The following RHOT1 variants were observed in gnomAD, a reference collection of about 807,000 sequenced individuals.
The protein encoded by RHOT1 is mitochondrial Rho GTPase 1.
Under a neutral mutation model 95.3 loss-of-function variants are expected in RHOT1, and 27 were observed. The observed-to-expected ratio is 0.28, with a 90% CI of 0.21 to 0.39. The LOEUF (loss-of-function observed/expected upper bound fraction) is 0.39. Ranked by LOEUF, RHOT1 falls within the 10% of genes least tolerant of loss-of-function variation. The pLI is 1.00. For synonymous variants in RHOT1, 227 were observed against 263.5 expected (o/e 0.86, Z 1.34); for missense variants, 578 against 786.7 (o/e 0.73, Z 3.17).
chr17:32,150,958 T>TTGC (rs34323066), intron 1 of RHOT1: 33,186 of 1,547,450 alleles, frequency 0.021, 358 homozygotes, highest in African/African-American at 0.028. Flanking sequence ...GCTTTGCTGA[T>TTGC]TGCTGCTGCT....
chr17:32,157,655 T>C (rs2033098980), intron 1 of RHOT1, among the ~76,000 whole-genome samples: 1 of 151,866 alleles, frequency 6.6e-6, no homozygotes, highest in Non-Finnish European at 1.5e-5. Flanking sequence ...AATGCAAAAA[T>C]TAGCCAGGTG....
chr17:32,186,461 T>G (rs1043757370), intron 8 of RHOT1, among the ~76,000 whole-genome samples: 2 of 151,994 alleles, frequency 1.3e-5, no homozygotes, highest in African/African-American at 4.8e-5. Context: ...CCTCCTGGGT[T>G]CACACCATTC....
chr17:32,220,917 A>G (rs1188820131), intron 19 of RHOT1: 1 of 284,914 alleles, frequency 3.5e-6, no homozygotes, highest in Non-Finnish European at 5.3e-6. Context: ...ATGAGTGTAT[A>G]TTAGCTTTTT....
intron 19 of RHOT1, among the ~76,000 whole-genome samples, chr17:32,222,055 ATTC>A (rs1290944136): frequency 6.6e-6 from 1 of 152,218 alleles, no homozygotes; most frequent in African/African-American, 2.4e-5. Context: ...TTAAATCCTA[ATTC>A]TTTTTTCCTC....
chr17:32,150,676 T>C, intron 1 of RHOT1: 1 of 1,598,746 alleles, frequency 6.3e-7, no homozygotes. Context: ...AGGAAGATTA[T>C]ACAGTTCTAT....
At position 32,142,524 on chromosome 17, in the gene RHOT1, G is replaced by T. The variant is rs2030490989; in HGVS notation, c.-169G>T. 4 of 484,086 alleles carry T rather than the reference G, an allele frequency of 8.3e-6. No individual in the cohort carries two copies. Among genetic ancestry groups the T allele is most frequent in the East Asian group, 3.7e-5 (1 of 26,874 alleles). The allele number at this position is 484,086 out of a possible 1,614,324, so 30.0% of individuals were successfully genotyped here. A position where few individuals can be genotyped will look rare whatever the true frequency, so the allele number is the denominator to read the frequency against. Reference sequence around the variant, plus strand: ...GCCACAGCCCGCTGGGCCGGAGGAGGCGGAGCTGGCGCTGTCCCGGCTCTC... The same window carrying T: ...GCCACAGCCCGCTGGGCCGGAGGAGTCGGAGCTGGCGCTGTCCCGGCTCTC... On this transcript the variant is annotated 5_prime_UTR_variant, in exon 1 of 20. Transcript: ENST00000545287.
At chr17:32,205,722 C>G (rs1399946221) in intron 16 of RHOT1, among the ~76,000 whole-genome samples, 1 of 152,084 alleles carries the variant, frequency 6.6e-6, no homozygotes, top group African/African-American at 2.4e-5. Flanking sequence ...GGTGGATCAC[C>G]CTAGCCTGAC....
Position 32,146,515 on chromosome 17 carries a change from G to A in RHOT1, c.37+3786G>A, listed in dbSNP as rs1002352658. On this transcript the variant is annotated intron_variant, in intron 1 of 19. Coordinates refer to ENST00000545287, the MANE Select transcript of RHOT1 (RefSeq NM_001033566.3). ...GGCTGGAGTGCAGTGGCGCGATCTC[G>A]GCTCACTGCAAGCTCCACCTCCCAG... is the stretch of plus-strand genomic sequence containing the variant. 7.3e-5 allele frequency among the ~76,000 whole-genome samples: 11 copies of A among 151,056 alleles called. No homozygotes were observed. The South Asian group carries it at 1.0e-3, about 14-fold the overall frequency.
chr17:32,218,315 C>T (rs1439601082), intron 19 of RHOT1, among the ~76,000 whole-genome samples: 1 of 151,232 alleles, frequency 6.6e-6, no homozygotes, highest in African/African-American at 2.4e-5. Flanking sequence ...AAAGTGAGAG[C>T]CTGTCTCTAC....
intron 15 of RHOT1, among the ~76,000 whole-genome samples, chr17:32,203,502 C>G (rs1033275798): frequency 6.6e-6 from 1 of 152,054 alleles, no homozygotes; most frequent in Non-Finnish European, 1.5e-5. Context: ...TCTTGAACTA[C>G]TTGGCCTCCC....
chr17:32,161,582 A>G (rs2033560563), intron 1 of RHOT1, among the ~76,000 whole-genome samples: 1 of 152,194 alleles, frequency 6.6e-6, no homozygotes, highest in Non-Finnish European at 1.5e-5. Flanking sequence ...TGCTATTATC[A>G]TTCTTGCTTT....
At chr17:32,162,456 C>T (rs750188389) in intron 1 of RHOT1, among the ~76,000 whole-genome samples, 2 of 152,126 alleles carry the variant, frequency 1.3e-5, no homozygotes, top group African/African-American at 4.8e-5. Flanking sequence ...GTAATTTTAG[C>T]ATATGTTTAT....
At position 32,198,986 on chromosome 17, in the gene RHOT1, T is replaced by C. The variant is rs1034556879; in HGVS notation, c.909T>C (p.His303=). The C allele has an allele frequency of 4.3e-6, 7 of 1,612,254 alleles. No homozygotes were observed. Among genetic ancestry groups the C allele is most frequent in the Non-Finnish European group, 5.1e-6 (6 of 1,178,706 alleles). The part of the protein sequence containing the change: ...IPPDCTTELN[H]HAYLFLQSTF... ...CTGATTGCACTACTGAATTAAATCATCATGCATATTTATTTCTCCAAAGCA... is the reference window on the plus strand; with the variant it reads ...CTGATTGCACTACTGAATTAAATCACCATGCATATTTATTTCTCCAAAGCA... The change falls in exon 12 of 20, where the codon CAT becomes CAC. Residue 303 remains histidine (H), a synonymous_variant. Coordinates refer to ENST00000545287, the MANE Select transcript of RHOT1 (RefSeq NM_001033566.3).
chr17:32,182,680 A>C (rs1265110690), intron 6 of RHOT1, 77 bp from the exon 7 acceptor site: 2 of 856,030 alleles, frequency 2.3e-6, no homozygotes, highest in Non-Finnish European at 3.7e-6. Flanking sequence ...TTTAGTTAGA[A>C]TGGGTTATGA....
At chr17:32,192,676 T>TG (rs2036580185) in intron 9 of RHOT1, among the ~76,000 whole-genome samples, 1 of 149,444 alleles carries the variant, frequency 6.7e-6, no homozygotes, top group African/African-American at 2.5e-5. Context: ...TTTTTTTTTT[T>TG]TTTTTTTGTT....
At chr17:32,173,978 C>A in intron 3 of RHOT1, 66 bp downstream of exon 3, 1 of 1,116,072 alleles carries the variant, frequency 9.0e-7, no homozygotes, top group Non-Finnish European at 1.3e-6. Flanking sequence ...AAGATACTTA[C>A]TGAGCTTTTA....
chr17:32,203,269 C>CTTTTTTT (rs940216011), intron 15 of RHOT1, among the ~76,000 whole-genome samples: 79 of 72,328 alleles, frequency 1.1e-3, no homozygotes, highest in Non-Finnish European at 1.6e-3. Flanking sequence ...TCTTCTTCTT[C>CTTTTTTT]TTTTTTTTTT....
chr17:32,149,635 A>ATGTGTGTG lies in RHOT1; in HGVS notation c.37+6926_37+6933dup, dbSNP rs1300585666. Among the ~76,000 whole-genome samples the ATGTGTGTG allele has an allele frequency of 3.7e-3, 219 of 58,994 alleles. 3 individuals are homozygous for ATGTGTGTG. The highest frequency in any genetic ancestry group is 5.8e-3 in the Non-Finnish European group (169 of 29,186). The allele number at this position is 58,994 out of a possible 152,430, so 38.7% of individuals were successfully genotyped here. On this transcript the variant is annotated intron_variant, in intron 1 of 19. Coordinates refer to ENST00000545287, the MANE Select transcript of RHOT1 (RefSeq NM_001033566.3). ...TATATATATATATATATATATATAT[A>ATGTGTGTG]TGTGTGTGTGTGTGTGTGTGTGTGT...
intron 1 of RHOT1, among the ~76,000 whole-genome samples, chr17:32,168,964 A>G (rs1203502514): frequency 6.6e-6 from 1 of 152,224 alleles, no homozygotes; most frequent in East Asian, 1.9e-4. Context: ...ACTCAGTGAA[A>G]TGTGACCTGT....
Sources: allele counts gnomAD v4.1 joint callset (sites outside exome capture counted in the v4.1 genomes callset), GRCh38; gene constraint gnomAD v4.1.1; transcripts MANE v1.5; gene names NCBI Gene and HGNC (gene_info 2026-07-23, HGNC 2026-07-21).